PCDH9: variants seen among roughly 807,000 people sequenced by gnomAD.
PCDH9 encodes protocadherin 9, also known as protocadherin-9.
In PCDH9, 24 loss-of-function variants were observed where a neutral mutation model predicts 70.6. That is an observed-to-expected ratio of 0.34 (90% CI 0.25 to 0.48). PCDH9 has a LOEUF of 0.48. Among genes scored for constraint, PCDH9 ranks in the 20% least tolerant of loss-of-function variants. The pLI is 0.99. For missense variants in PCDH9, 1,281 were observed against 1,503.6 expected, an observed-to-expected ratio of 0.85 and a Z score of 2.45; for synonymous variants, 562 against 558.5, an observed-to-expected ratio of 1.01 and a Z score of -0.09.
At chr13:66,400,629 A>G (rs927786743) in intron 4 of PCDH9, among the ~76,000 whole-genome samples, 10 of 152,228 alleles carry the variant, frequency 6.6e-5, no homozygotes. Context: ...CTCATAGGCT[A>G]TCTATTCTAC....
chr13:66,770,024 T>C (rs1031462684), intron 3 of PCDH9, among the ~76,000 whole-genome samples: 2 of 152,048 alleles, frequency 1.3e-5, no homozygotes, highest in Non-Finnish European at 2.9e-5. Context: ...CAAACCTCTA[T>C]TGAGGGAGGT....
intron 2 of PCDH9, among the ~76,000 whole-genome samples, chr13:67,016,235 A>C (rs1050697382): frequency 6.6e-6 from 1 of 152,174 alleles, no homozygotes; most frequent in African/African-American, 2.4e-5. Context: ...TAAAGAAAAT[A>C]AGACTAATAG....
intron 4 of PCDH9, among the ~76,000 whole-genome samples, chr13:66,577,963 T>C (rs964463797): frequency 6.6e-6 from 1 of 152,046 alleles, no homozygotes; most frequent in African/African-American, 2.4e-5. Context: ...TAATTTCTGG[T>C]CCCTTAATCA....
chr13:66,696,552 T>C (rs2078565243), intron 3 of PCDH9, among the ~76,000 whole-genome samples: 2 of 152,174 alleles, frequency 1.3e-5, no homozygotes, highest in Non-Finnish European at 1.5e-5. Context: ...ATATCTCAGT[T>C]TATGTCCACA....
chr13:67,119,183 G>C (rs564320254), intron 2 of PCDH9, among the ~76,000 whole-genome samples: 218 of 151,948 alleles, frequency 1.4e-3, no homozygotes, highest in Admixed American at 3.0e-3. Context: ...TTTCTTTTGG[G>C]GTTTGTTTCT....
rs534635896 is a variant in PCDH9 at position 66,897,293 on chromosome 13, A to G, written c.3138+6211T>C. On this transcript the variant is annotated intron_variant, in intron 3 of 4. Coordinates refer to ENST00000377865, the MANE Select transcript of PCDH9 (RefSeq NM_203487.3). Reference sequence around the variant, plus strand: ...GAGGGAAGAAAGGAGAGACAGATTAATATATGACTCATAGACTGGTTTCAG... The same window carrying G: ...GAGGGAAGAAAGGAGAGACAGATTAGTATATGACTCATAGACTGGTTTCAG... Among the ~76,000 whole-genome samples, 8 of 152,168 alleles carry G rather than the reference A, an allele frequency of 5.3e-5. No homozygotes were observed. The South Asian group carries it at 1.7e-3, about 32-fold the overall frequency.
intron 4 of PCDH9, among the ~76,000 whole-genome samples, chr13:66,421,226 G>A (rs1957561099): frequency 6.6e-6 from 1 of 152,100 alleles, no homozygotes; most frequent in Non-Finnish European, 1.5e-5. Flanking sequence ...AAAGTAATGG[G>A]GAGAATGGAA....
chr13:66,421,035 A>G (rs1332051107), intron 4 of PCDH9, among the ~76,000 whole-genome samples: 1 of 152,012 alleles, frequency 6.6e-6, no homozygotes, highest in Non-Finnish European at 1.5e-5. Context: ...TGAAGCATAC[A>G]CAAGTATCAA....
intron 3 of PCDH9, among the ~76,000 whole-genome samples, chr13:66,703,238 G>T (rs1223465291): frequency 6.9e-6 from 1 of 145,138 alleles, no homozygotes; most frequent in Non-Finnish European, 1.5e-5. Flanking sequence ...TTATCCATAT[G>T]CTAGTTAACA....
chr13:66,852,784 A>G (rs962423451), intron 3 of PCDH9, among the ~76,000 whole-genome samples: 2 of 152,190 alleles, frequency 1.3e-5, no homozygotes, highest in African/African-American at 2.4e-5. Context: ...ACGGTGTACC[A>G]TGTAATCTCT....
chr13:66,708,456 A>T lies in PCDH9; in HGVS notation c.3139-77045T>A, dbSNP rs550676491. The stretch of plus-strand genomic sequence containing the variant: ...TCTAGTTTGAAATGGCTAGGTAACA[A>T]CTGAAATTCTAGGGGATACTCCTTT... On this transcript the variant is annotated intron_variant, in intron 3 of 4. Coordinates refer to ENST00000377865, the MANE Select transcript of PCDH9 (RefSeq NM_203487.3). 6.0e-5 allele frequency among the ~76,000 whole-genome samples: 9 copies of T among 150,998 alleles called. No individual in the cohort carries two copies. The South Asian group carries it at 1.9e-3, about 32-fold the overall frequency.
intron 3 of PCDH9, among the ~76,000 whole-genome samples, chr13:66,772,302 C>T (rs2079820869): frequency 6.6e-6 from 1 of 152,214 alleles, no homozygotes; most frequent in Non-Finnish European, 1.5e-5. Flanking sequence ...AAACTCCCAT[C>T]TTTTGTGGCA....
intron 3 of PCDH9, among the ~76,000 whole-genome samples, chr13:66,652,762 T>C (rs1048199427): frequency 2.0e-5 from 3 of 152,056 alleles, no homozygotes; most frequent in Non-Finnish European, 4.4e-5. Context: ...TAGCATGGTA[T>C]TGGCATGAAA....
chr13:66,520,357 C>T (rs1244912834), intron 4 of PCDH9, among the ~76,000 whole-genome samples: 1 of 152,086 alleles, frequency 6.6e-6, no homozygotes, highest in African/African-American at 2.4e-5. Flanking sequence ...TAGAAGAAAA[C>T]AGTGATTCAG....
At chr13:66,702,982 A>T (rs552897415) in intron 3 of PCDH9, among the ~76,000 whole-genome samples, 1 of 152,348 alleles carries the variant, frequency 6.6e-6, no homozygotes, top group Admixed American at 6.5e-5. Context: ...TGATCTGTGT[A>T]TACACACACA....
chr13:66,905,325 A>T (rs534217251), intron 2 of PCDH9, among the ~76,000 whole-genome samples: 1 of 152,236 alleles, frequency 6.6e-6, no homozygotes, highest in East Asian at 1.9e-4. Flanking sequence ...TTCATGTATC[A>T]TATAGTTTTT....
intron 2 of PCDH9, among the ~76,000 whole-genome samples, chr13:67,005,751 C>T (rs1219821139): frequency 6.6e-6 from 1 of 152,174 alleles, no homozygotes; most frequent in East Asian, 1.9e-4. Flanking sequence ...ATGATGATTG[C>T]ATTTTCTCCG....
At position 66,348,048 on chromosome 13, in the gene PCDH9, A is replaced by G. The variant is rs1040638957; in HGVS notation, c.3341-43020T>C. On this transcript the variant is annotated intron_variant, in intron 4 of 4. Transcript: ENST00000377865. ...TATCACCTGATATTTAACTCAGACT[A>G]CTGAGGTTCTAATTTTCTTTATCTC... 2.6e-5 allele frequency among the ~76,000 whole-genome samples: 4 copies of G among 152,320 alleles called. No individual in the cohort carries two copies. The South Asian group carries it at 8.3e-4, about 32-fold the overall frequency.
intron 2 of PCDH9, among the ~76,000 whole-genome samples, chr13:67,160,395 A>T (rs1008719322): frequency 2.6e-5 from 4 of 151,980 alleles, no homozygotes; most frequent in Non-Finnish European, 5.9e-5. Flanking sequence ...AATACAAAAA[A>T]AATTAGCCGG....
Sources: allele counts gnomAD v4.1 joint callset (sites outside exome capture counted in the v4.1 genomes callset), GRCh38; gene constraint gnomAD v4.1.1; transcripts MANE v1.5; gene names NCBI Gene and HGNC (gene_info 2026-07-23, HGNC 2026-07-21).